Variants in AKAP7 observed in about 807,000 individuals in gnomAD.
AKAP7 encodes the protein A kinase (PRKA) anchor protein 7.
In AKAP7, 39 loss-of-function variants were observed where a neutral mutation model predicts 39.5. The ratio of observed to expected loss-of-function variants is 0.99; its 90% CI spans 0.76 to 1.29. The LOEUF (loss-of-function observed/expected upper bound fraction) is 1.29, where lower values mean the gene tolerates loss of function less well. Among genes scored for constraint, AKAP7 ranks in the 50% most tolerant of loss-of-function variants. AKAP7 has a pLI of 0.00. For synonymous variants in AKAP7, 140 were observed against 139.1 expected (o/e 1.01, Z -0.05); for missense variants, 414 against 407.7 (o/e 1.02, Z -0.13).
chr6:131,236,664 G>A (rs1478619536), intron 7 of AKAP7, among the ~76,000 whole-genome samples: 10 of 152,110 alleles, frequency 6.6e-5, no homozygotes, highest in Non-Finnish European at 1.5e-4. Context: ...TCTCCTTGAA[G>A]CAATTGTGAA....
intron 7 of AKAP7, among the ~76,000 whole-genome samples, chr6:131,275,855 C>T (rs1814702922): frequency 6.6e-6 from 1 of 152,202 alleles, no homozygotes; most frequent in South Asian, 2.1e-4. Context: ...TTACAAAAGG[C>T]CTGAAGGGTT....
At chr6:131,273,415 A>G (rs1814458146) in intron 7 of AKAP7, among the ~76,000 whole-genome samples, 1 of 151,982 alleles carries the variant, frequency 6.6e-6, no homozygotes, top group Admixed American at 6.6e-5. Flanking sequence ...CTCCTCTTCT[A>G]CTGCCTTATT....
intron 5 of AKAP7, 113 bp downstream of exon 5, chr6:131,169,386 A>G (rs988603178): frequency 3.3e-6 from 4 of 1,211,622 alleles, no homozygotes; most frequent in Non-Finnish European, 4.8e-6. Context: ...GACTAGACTC[A>G]AGTATTTTTT....
chr6:131,179,009 T>A (rs1208614602), intron 5 of AKAP7, among the ~76,000 whole-genome samples: 2 of 152,078 alleles, frequency 1.3e-5, no homozygotes, highest in East Asian at 1.9e-4. Flanking sequence ...TTCCTTCTGC[T>A]TAGACCTTTT....
At chr6:131,280,925 A>T in intron 7 of AKAP7, among the ~76,000 whole-genome samples, 1 of 152,226 alleles carries the variant, frequency 6.6e-6, no homozygotes, top group Non-Finnish European at 1.5e-5. Flanking sequence ...TTTTCTTTAA[A>T]GAATTTCCTA....
At chr6:131,190,508 G>A (rs1386071136) in intron 5 of AKAP7, among the ~76,000 whole-genome samples, 1 of 152,056 alleles carries the variant, frequency 6.6e-6, no homozygotes, top group Non-Finnish European at 1.5e-5. Flanking sequence ...CAGGCATGGT[G>A]GTGCGTGCCT....
At chr6:131,203,291 G>A (rs1807788190) in intron 6 of AKAP7, among the ~76,000 whole-genome samples, 1 of 151,866 alleles carries the variant, frequency 6.6e-6, no homozygotes, top group Non-Finnish European at 1.5e-5. Flanking sequence ...TCTTCTCTCG[G>A]CACTAATTTT....
intron 2 of AKAP7, among the ~76,000 whole-genome samples, chr6:131,149,466 C>T (rs1801739851): frequency 6.6e-6 from 1 of 152,092 alleles, no homozygotes; most frequent in African/African-American, 2.4e-5. Flanking sequence ...GAAATCCCGT[C>T]TCTACTAAAA....
At chr6:131,127,867 C>G in the AKAP7 span, among the ~76,000 whole-genome samples, 1 of 152,176 alleles carries the variant, frequency 6.6e-6, no homozygotes, top group Admixed American at 6.5e-5. Flanking sequence ...GAAATCATGT[C>G]CTTTGCAGGA....
chr6:131,238,079 G>A (rs1441655480), intron 7 of AKAP7, among the ~76,000 whole-genome samples: 1 of 152,056 alleles, frequency 6.6e-6, no homozygotes. Context: ...TGCTTTGAAT[G>A]TGTCCCAGAG....
chr6:131,188,296 T>C (rs531642614), intron 5 of AKAP7, among the ~76,000 whole-genome samples: 10 of 152,376 alleles, frequency 6.6e-5, no homozygotes, highest in Admixed American at 4.6e-4. Flanking sequence ...AGTATGTGGA[T>C]ACAGGAATGC....
chr6:131,131,716 A>G (rs1051364247), upstream of AKAP7, among the ~76,000 whole-genome samples: 1 of 152,116 alleles, frequency 6.6e-6, no homozygotes, highest in Non-Finnish European at 1.5e-5. Flanking sequence ...CACAAGGAGT[A>G]TTAAAGCCCT....
At chr6:131,185,296 C>A in intron 5 of AKAP7, 1 of 477,758 alleles carries the variant, frequency 2.1e-6, no homozygotes. Flanking sequence ...AGAGGCCAAT[C>A]CTAGAACCTG....
chr6:131,135,704 A>ACGCGGCCCGCCACCGCCGCTGC lies in AKAP7; in HGVS notation c.-56_-35dup. 8.5e-7 allele frequency: 1 copy of ACGCGGCCCGCCACCGCCGCTGC among 1,172,562 alleles called. No individual in the cohort carries two copies. Among genetic ancestry groups the ACGCGGCCCGCCACCGCCGCTGC allele is most frequent in the Non-Finnish European group, 1.0e-6 (1 of 952,524 alleles). The allele number at this position is 1,172,562 out of a possible 1,614,324, so 72.6% of individuals were successfully genotyped here. The stretch of plus-strand genomic sequence containing the variant: ...CCTCGGCCTCGCCTCCAGCCCCGGG[A>ACGCGGCCCGCCACCGCCGCTGC]CGCGGCCCGCCACCGCCGCTGCCGC... On this transcript the variant is annotated 5_prime_UTR_variant, in exon 1 of 8. Transcript: ENST00000431975.
chr6:131,153,164 C>T (rs2128232873), intron 2 of AKAP7, among the ~76,000 whole-genome samples: 1 of 151,186 alleles, frequency 6.6e-6, no homozygotes. Flanking sequence ...AGATTGGGCT[C>T]AATGTGTATC....
At chr6:131,181,725 AGGCACTG>A (rs1805266257) in intron 5 of AKAP7, among the ~76,000 whole-genome samples, 1 of 152,130 alleles carries the variant, frequency 6.6e-6, no homozygotes, top group South Asian at 2.1e-4. Flanking sequence ...AGGTCCCCTG[AGGCACTG>A]GGCCATGTCA....
In AKAP7 at chr6:131,151,108, T is replaced by G. The variant is rs187477309; in HGVS notation, c.151+5692T>G. 4.4e-3 allele frequency among the ~76,000 whole-genome samples: 669 copies of G among 152,178 alleles called. 4 individuals carry two copies. Among genetic ancestry groups the G allele is most frequent in the African/African-American group, 0.016 (647 of 41,524 alleles). ...CCCAGGCTGGAGTGTAGTGGTGTGA[T>G]CTCAGCCCACTGCAACCTCTGCCTC... On this transcript the variant is annotated intron_variant, in intron 2 of 7. Transcript: ENST00000431975.
At chr6:131,152,565 C>T (rs991945005) in intron 2 of AKAP7, among the ~76,000 whole-genome samples, 5 of 152,094 alleles carry the variant, frequency 3.3e-5, no homozygotes, top group Admixed American at 6.6e-5. Flanking sequence ...TGGTGGCTCA[C>T]GCCTGTAATC....
intron 4 of AKAP7, among the ~76,000 whole-genome samples, 174 bp downstream of exon 4, chr6:131,165,391 A>G (rs1315433495): frequency 6.6e-6 from 1 of 152,150 alleles, no homozygotes; most frequent in Admixed American, 6.5e-5. Context: ...TTTAATCTAA[A>G]CTTTTAAACT....
Sources: gnomAD v4.1 joint callset for allele counts (sites outside exome capture counted in the v4.1 genomes callset) on GRCh38, gnomAD v4.1.1 for gene constraint, MANE v1.5 for transcripts, NCBI Gene and HGNC (gene_info 2026-07-23, HGNC 2026-07-21) for gene names.